Variants in CD69 observed in about 807,000 individuals in gnomAD.
CD69 encodes CD69 molecule.
A neutral mutation model predicts 21.4 loss-of-function variants in CD69; 10 were observed. That is an observed-to-expected ratio of 0.47 (90% CI 0.29 to 0.79). CD69 has a LOEUF of 0.79. Among genes scored for constraint, CD69 ranks in the 30% least tolerant of loss-of-function variants. The pLI is 0.09. For synonymous variants in CD69, 63 were observed against 78.2 expected, an observed-to-expected ratio of 0.81 and a Z score of 1.03; for missense variants, 204 against 236.9, an observed-to-expected ratio of 0.86 and a Z score of 0.91.
intron 1 of CD69, among the ~76,000 whole-genome samples, chr12:9,758,977 T>A (rs1029166712): frequency 5.4e-5 from 8 of 149,270 alleles, no homozygotes; most frequent in African/African-American, 2.0e-4. Context: ...TCGTCCAGGC[T>A]GGAGTGCAGT....
Position 9,755,188 on chromosome 12 carries a change from C to G in CD69, c.261G>C (p.Glu87Asp). 1.2e-6 allele frequency: 2 copies of G among 1,614,032 alleles called. No individual in the cohort carries two copies. Among genetic ancestry groups the G allele is most frequent in the African/African-American group, 1.3e-5 (1 of 75,028 alleles). ...PSDSHVSSCS[E>D]DWVGYQRKCY... ...ATTTCCTCTGGTAGCCAACCCAGTC[C>G]TCAGAGCATGAAGAAACATGGCTGT... is the stretch of plus-strand genomic sequence containing the variant. The change falls in exon 3 of 5, where the codon GAG becomes GAC. Residue 87 changes from glutamate to aspartate, a missense_variant. Transcript: ENST00000228434.
rs1458832075 is a variant in CD69 at position 9,755,279 on chromosome 12, C to T, written c.188-18G>A. 2 of 1,609,236 alleles carry T rather than the reference C, an allele frequency of 1.2e-6. No homozygotes were observed. Among genetic ancestry groups the T allele is most frequent in the South Asian group, 1.1e-5 (1 of 90,964 alleles). ...TTGGCCCACTGTGAACAGAAAAATG[C>T]TTTGTTTTAGTAACAAAAGAAACCA... On this transcript the variant is annotated intron_variant, in intron 2 of 4. Coordinates refer to ENST00000228434, the MANE Select transcript of CD69 (RefSeq NM_001781.2).
chr12:9,760,193 G>A (rs1866720012), intron 1 of CD69, among the ~76,000 whole-genome samples: 1 of 151,942 alleles, frequency 6.6e-6, no homozygotes, highest in South Asian at 2.1e-4. Flanking sequence ...TCTCAAAGAT[G>A]GCAAACTTGC....
chr12:9,758,731 C>G (rs887250650), intron 1 of CD69, among the ~76,000 whole-genome samples: 2 of 152,122 alleles, frequency 1.3e-5, no homozygotes, highest in Non-Finnish European at 2.9e-5. Flanking sequence ...GGAGCTCTGT[C>G]TGGTTTCACT....
chr12:9,759,717 C>G (rs1866715894), intron 1 of CD69, among the ~76,000 whole-genome samples: 3 of 152,132 alleles, frequency 2.0e-5, no homozygotes, highest in Non-Finnish European at 2.9e-5. Context: ...TGTTTTAGTT[C>G]TCCTGTTTCT....
In CD69 at chr12:9,760,884, G is replaced by A; in HGVS notation, c.-64C>T. On this transcript the variant is annotated 5_prime_UTR_variant, in exon 1 of 5. Coordinates refer to ENST00000228434, the MANE Select transcript of CD69 (RefSeq NM_001781.2). ...TCAAGCTACAGTGAAAGTCTTTGCT[G>A]GAGCTCTTGTTGAGTCTGTGAGGCT... 7.3e-7 allele frequency: 1 copy of A among 1,367,972 alleles called. No individual in the cohort carries two copies. The highest frequency in any genetic ancestry group is 1.7e-5 in the Admixed American group (1 of 59,598). 84.7% of individuals were successfully genotyped at this position (1,367,972 alleles called of 1,614,324 possible).
Position 9,758,291 on chromosome 12 carries a change from C to A in CD69, c.65-1872G>T, listed in dbSNP as rs746380870. Among the ~76,000 whole-genome samples, 117 of 152,096 alleles carry A rather than the reference C, an allele frequency of 7.7e-4. 1 individual carries two copies. Among genetic ancestry groups the A allele is most frequent in the South Asian group, 3.1e-3 (15 of 4,814 alleles). ...GCGGCCCCACAAGGAGTATACAGGT[C>A]CCTATTATGTTCTCAAAAACCAAAA... On this transcript the variant is annotated intron_variant, in intron 1 of 4. Transcript: ENST00000228434.
chr12:9,755,684 A>G (rs1283472820), intron 2 of CD69, among the ~76,000 whole-genome samples: 1 of 152,214 alleles, frequency 6.6e-6, no homozygotes, highest in Non-Finnish European at 1.5e-5. Context: ...GAGAGTAACT[A>G]ACTTTTAGGG....
chr12:9,758,334 A>C (rs1010877027), intron 1 of CD69, among the ~76,000 whole-genome samples: 2 of 152,200 alleles, frequency 1.3e-5, no homozygotes, highest in African/African-American at 4.8e-5. Flanking sequence ...TGGCTGCTTA[A>C]GTAACTGACA....
chr12:9,755,272 A>T lies in CD69; in HGVS notation c.188-11T>A, dbSNP rs200018429. 751 of 1,611,560 alleles carry T rather than the reference A, an allele frequency of 4.7e-4. 1 individual carries two copies. The Middle Eastern group carries it at 4.8e-3, about 10-fold the overall frequency. On this transcript the variant is annotated splice_polypyrimidine_tract_variant and intron_variant, in intron 2 of 4. Coordinates refer to ENST00000228434, the MANE Select transcript of CD69 (RefSeq NM_001781.2). ...AATTGTATTGGCCCACTGTGAACAG[A>T]AAAATGCTTTGTTTTAGTAACAAAA...
At chr12:9,759,550 C>G (rs1397208145) in intron 1 of CD69, among the ~76,000 whole-genome samples, 1 of 151,288 alleles carries the variant, frequency 6.6e-6, no homozygotes. Context: ...TAATGGCTCG[C>G]CTGATTACCT....
chr12:9,754,494 C>T, intron 4 of CD69, 93 bp downstream of exon 4: 1 of 767,518 alleles, frequency 1.3e-6, no homozygotes, highest in Non-Finnish European at 2.4e-6. Context: ...AAGAGCTCAG[C>T]CTTTATATTT....
intron 4 of CD69, among the ~76,000 whole-genome samples, 153 bp from the exon 5 acceptor site, chr12:9,753,742 T>C (rs1170941343): frequency 1.5e-5 from 1 of 68,814 alleles, no homozygotes; most frequent in Non-Finnish European, 3.3e-5. Context: ...GTAGAGACAA[T>C]GGACAAGAAT....
chr12:9,759,054 T>C lies in CD69; in HGVS notation c.64+1703A>G, dbSNP rs186692222. On this transcript the variant is annotated intron_variant, in intron 1 of 4. Transcript: ENST00000228434. The stretch of plus-strand genomic sequence containing the variant: ...ACGCCATTCTCCTGCCTCAGCCTCC[T>C]AAGTAGCTGGGACTACAGGCGCCCG... Among the ~76,000 whole-genome samples the C allele has an allele frequency of 5.4e-3, 822 of 152,144 alleles. 6 individuals are homozygous for C. Among genetic ancestry groups the C allele is most frequent in the African/African-American group, 0.019 (783 of 41,504 alleles).
Position 9,755,094 on chromosome 12 carries a change from T to G in CD69, c.355A>C (p.Thr119Pro). 1.2e-6 allele frequency: 2 copies of G among 1,613,976 alleles called. No individual in the cohort carries two copies. Among genetic ancestry groups the G allele is most frequent in the Non-Finnish European group, 1.7e-6 (2 of 1,179,936 alleles). ...TTTTCAGAATCAATGACAGCAAGAG[T>G]AGCACCATGTTCAGAACAAGCATTT... is the stretch of plus-strand genomic sequence containing the variant. ...AQNACSEHGA[T>P]LAVIDSEKDM... Residue 119 changes from threonine to proline, a missense_variant, in exon 3 of 5, where the codon ACT (threonine) becomes CCT (proline). Coordinates refer to ENST00000228434, the MANE Select transcript of CD69 (RefSeq NM_001781.2).
Position 9,753,727 on chromosome 12 carries a change from A to G in CD69, c.492-138T>C. The G allele has an allele frequency of 9.0e-6, 4 of 444,524 alleles. No homozygotes were observed. The South Asian group carries it at 1.8e-4, about 20-fold the overall frequency. 27.5% of individuals were successfully genotyped at this position (444,524 alleles called of 1,614,324 possible). ...TACACAAGTCAAATAATCATAGACT[A>G]ATCTGTAGAGACAATGGACAAGAAT... On this transcript the variant is annotated intron_variant, in intron 4 of 4. Coordinates refer to ENST00000228434, the MANE Select transcript of CD69 (RefSeq NM_001781.2).
intron 2 of CD69, 112 bp downstream of exon 2, chr12:9,756,185 A>G: frequency 2.2e-6 from 2 of 929,238 alleles, no homozygotes; most frequent in Non-Finnish European, 1.6e-6. Context: ...ACATGGGATG[A>G]TTCTGAATTA....
rs758840764 is a variant in CD69, at chr12:9,752,660, T to G, written c.*821A>C. ...TCACAAACCTATTATAAGACTAGTA[T>G]TATTCTAGGTCTGAAGATTACAGAA... On this transcript the variant is annotated 3_prime_UTR_variant, in exon 5 of 5. Transcript: ENST00000228434. The G allele has an allele frequency of 1.2e-4, 19 of 152,652 alleles. No individual in the cohort carries two copies. Among genetic ancestry groups the G allele is most frequent in the Non-Finnish European group, 7.3e-5 (5 of 68,036 alleles). The allele number at this position is 152,652 out of a possible 1,614,324, so 9.5% of individuals were successfully genotyped here.
In CD69 at chr12:9,756,436, T is replaced by A. The variant is rs760939200; in HGVS notation, c.65-17A>T. The A allele has an allele frequency of 2.5e-6, 4 of 1,609,450 alleles. No homozygotes were observed. The African/African-American group carries it at 5.4e-5, about 22-fold the overall frequency. On this transcript the variant is annotated splice_polypyrimidine_tract_variant and intron_variant, in intron 1 of 4. Transcript: ENST00000228434. ...TGGCATCATCTGGAAGGGAGAAAGTTGATGATGAGTTCAGGCAGACTATAG... is the reference window on the plus strand; with the variant it reads ...TGGCATCATCTGGAAGGGAGAAAGTAGATGATGAGTTCAGGCAGACTATAG...
Sources: allele counts gnomAD v4.1 joint callset (sites outside exome capture counted in the v4.1 genomes callset), GRCh38; gene constraint gnomAD v4.1.1; transcripts MANE v1.5; gene names NCBI Gene and HGNC (gene_info 2026-07-23, HGNC 2026-07-21).